The following GALM variants were observed in gnomAD, a reference collection of about 807,000 sequenced individuals.
GALM encodes the protein aldose 1-epimerase.
In GALM, 43 loss-of-function variants were observed where a neutral mutation model predicts 37.4. The observed-to-expected ratio is 1.15, with a 90% CI of 0.90 to 1.48. The LOEUF is 1.48. GALM is among the 40% of genes most tolerant of loss of function. GALM has a pLI of 0.00. For synonymous variants in GALM, 199 were observed against 170.6 expected, an observed-to-expected ratio of 1.17 and a Z score of -1.30; for missense variants, 456 against 419.1, an observed-to-expected ratio of 1.09 and a Z score of -0.77.
intron 1 of GALM, among the ~76,000 whole-genome samples, chr2:38,675,190 A>G (rs1665213586): frequency 6.6e-6 from 1 of 152,164 alleles, no homozygotes; most frequent in Non-Finnish European, 1.5e-5. Flanking sequence ...CCACCACCAC[A>G]ACAAATAGTT....
intron 4 of GALM, among the ~76,000 whole-genome samples, chr2:38,714,214 G>A (rs186040037): frequency 3.7e-4 from 56 of 151,424 alleles, no homozygotes; most frequent in South Asian, 2.1e-4. Flanking sequence ...TTTTTTTTGC[G>A]GGGGGGTTGT....
At chr2:38,719,664 A>C (rs1460486752) in intron 4 of GALM, among the ~76,000 whole-genome samples, 1 of 150,228 alleles carries the variant, frequency 6.7e-6, no homozygotes, top group Non-Finnish European at 1.5e-5. Context: ...AATCTCAGCT[A>C]CTTGGGAGCT....
At chr2:38,709,511 C>T (rs1558590938) in intron 4 of GALM, among the ~76,000 whole-genome samples, 3 of 151,358 alleles carry the variant, frequency 2.0e-5, no homozygotes, top group East Asian at 3.9e-4. Flanking sequence ...TACCCTCCCC[C>T]GTTGCAAGTC....
At chr2:38,728,620 G>A (rs111401006) in intron 4 of GALM, among the ~76,000 whole-genome samples, 7,741 of 152,254 alleles carry the variant, frequency 0.051, 565 homozygotes, top group African/African-American at 0.16. Context: ...AGGAGGCGGA[G>A]GTTGCACTGA....
intron 4 of GALM, among the ~76,000 whole-genome samples, chr2:38,707,963 G>A (rs868835364): frequency 3.3e-5 from 5 of 151,898 alleles, no homozygotes; most frequent in African/African-American, 7.3e-5. Flanking sequence ...AAAAATTAGC[G>A]AGGCGTGGTA....
chr2:38,672,390 C>T (rs1449041772), intron 1 of GALM, among the ~76,000 whole-genome samples: 2 of 152,116 alleles, frequency 1.3e-5, no homozygotes, highest in African/African-American at 4.8e-5. Flanking sequence ...CTTTGGGACT[C>T]CTTTTGGTTA....
intron 4 of GALM, among the ~76,000 whole-genome samples, chr2:38,717,306 A>AGTGTGTGTGT (rs56902027): frequency 1.0e-4 from 15 of 143,652 alleles, no homozygotes; most frequent in African/African-American, 2.6e-4. Context: ...GTATTAAGGG[A>AGTGTGTGTGT]GTGTGTGTGT....
rs537532322 is a variant in GALM, at chr2:38,704,027, GAATA to G, written c.634+14152_634+14155del. Among the ~76,000 whole-genome samples the G allele has an allele frequency of 7.4e-3, 1,077 of 145,820 alleles. 13 individuals carry two copies. Among genetic ancestry groups the G allele is most frequent in the African/African-American group, 0.025 (971 of 38,954 alleles). ...AGAAACGCTGTCTCAAAAAATAAAT[GAATA>G]AATAAATAAATAAATAAAATAAAAT... On this transcript the variant is annotated intron_variant, in intron 4 of 6. Coordinates refer to ENST00000272252, the MANE Select transcript of GALM (RefSeq NM_138801.3).
intron 3 of GALM, chr2:38,682,178 T>C (rs924824565): frequency 9.9e-6 from 4 of 402,268 alleles, no homozygotes; most frequent in African/African-American, 6.1e-5. Flanking sequence ...ATAAGAGTGG[T>C]GTAGAGCTGC....
chr2:38,669,976 C>A (rs1020109727), intron 1 of GALM, among the ~76,000 whole-genome samples: 1 of 151,224 alleles, frequency 6.6e-6, no homozygotes, highest in African/African-American at 2.4e-5. Flanking sequence ...GATTCTCATG[C>A]CTTAACCTCC....
intron 1 of GALM, among the ~76,000 whole-genome samples, chr2:38,670,384 C>T (rs1665062422): frequency 6.6e-6 from 1 of 152,116 alleles, no homozygotes; most frequent in South Asian, 2.1e-4. Context: ...AATTTAGTGC[C>T]TTTAGAAAAC....
chr2:38,689,835 A>G lies in GALM; in HGVS notation c.575A>G (p.His192Arg), dbSNP rs757320017. The change falls in exon 4 of 7, where the codon CAT (histidine) becomes CGT (arginine). Residue 192 changes from histidine to arginine, a missense_variant. Coordinates refer to ENST00000272252, the MANE Select transcript of GALM (RefSeq NM_138801.3). Reference protein sequence around the residue: ...AGQASPNINDHEVTIEADTYL... With the variant: ...AGQASPNINDREVTIEADTYL... Reference sequence around the variant, plus strand: ...CAGGCTTCCCCAAATATAAATGACCATGAAGTCACCATAGAAGCGGATACT... The same window carrying G: ...CAGGCTTCCCCAAATATAAATGACCGTGAAGTCACCATAGAAGCGGATACT... 1.2e-6 allele frequency: 2 copies of G among 1,610,018 alleles called. No homozygotes were observed.
intron 4 of GALM, among the ~76,000 whole-genome samples, chr2:38,697,086 G>A (rs892570330): frequency 8.6e-5 from 13 of 151,974 alleles, no homozygotes; most frequent in African/African-American, 2.7e-4. Context: ...CACTGCACCC[G>A]GCCCCCAAGA....
chr2:38,719,799 A>T (rs919503173), intron 4 of GALM, among the ~76,000 whole-genome samples: 11 of 146,056 alleles, frequency 7.5e-5, no homozygotes, highest in Non-Finnish European at 1.2e-4. Flanking sequence ...AAAGATTAGG[A>T]TCTGTCACAC....
chr2:38,672,926 C>G (rs1665148794), intron 1 of GALM, among the ~76,000 whole-genome samples: 2 of 152,096 alleles, frequency 1.3e-5, no homozygotes, highest in Non-Finnish European at 2.9e-5. Flanking sequence ...AGGAGAACTG[C>G]TTGAATCCAG....
intron 1 of GALM, 35 bp from the exon 2 acceptor site, chr2:38,675,877 A>G (rs1174144922): frequency 6.2e-7 from 1 of 1,610,854 alleles, no homozygotes; most frequent in Admixed American, 1.7e-5. Context: ...CCTGAATTGA[A>G]GTTTTAAAAG....
chr2:38,721,390 A>G (rs1169741164), intron 4 of GALM, among the ~76,000 whole-genome samples: 1 of 152,122 alleles, frequency 6.6e-6, no homozygotes, highest in Non-Finnish European at 1.5e-5. Flanking sequence ...CACCCTCATG[A>G]ACTCTCTTTG....
chr2:38,674,479 C>T (rs563777130), intron 1 of GALM, among the ~76,000 whole-genome samples: 109 of 152,162 alleles, frequency 7.2e-4, no homozygotes, highest in African/African-American at 2.5e-3. Flanking sequence ...TGAGCCACCG[C>T]GCCTGGACAC....
intron 1 of GALM, among the ~76,000 whole-genome samples, chr2:38,667,956 G>T (rs2148421789): frequency 6.6e-6 from 1 of 152,308 alleles, no homozygotes; most frequent in South Asian, 2.1e-4. Context: ...AAGAAATGCT[G>T]CATGGGGAGG....
Sources: allele counts gnomAD v4.1 joint callset (sites outside exome capture counted in the v4.1 genomes callset), GRCh38; gene constraint gnomAD v4.1.1; transcripts MANE v1.5; gene names NCBI Gene and HGNC (gene_info 2026-07-23, HGNC 2026-07-21).